The following KIDINS220 variants were observed in gnomAD, a reference collection of about 807,000 sequenced individuals.
The protein encoded by KIDINS220 is kinase D-interacting substrate of 220 kDa.
Under a neutral mutation model 157.6 loss-of-function variants are expected in KIDINS220, and 63 were observed. The ratio of observed to expected loss-of-function variants is 0.40; its 90% CI spans 0.33 to 0.49. KIDINS220 has a LOEUF of 0.49. Among genes scored for constraint, KIDINS220 ranks in the 20% least tolerant of loss-of-function variants. The pLI, the probability that KIDINS220 is intolerant of heterozygous loss-of-function variation, is 0.66. For synonymous variants in KIDINS220, 732 were observed against 783.6 expected, an observed-to-expected ratio of 0.93 and a Z score of 1.10; for missense variants, 1,772 against 2,171.2, an observed-to-expected ratio of 0.82 and a Z score of 3.65.
At chr2:8,771,535 G>C (rs896372914) in intron 21 of KIDINS220, among the ~76,000 whole-genome samples, 4 of 152,136 alleles carry the variant, frequency 2.6e-5, no homozygotes, top group African/African-American at 9.7e-5. Context: ...TGATTTGGTA[G>C]AAATTCTGAG....
intron 1 of KIDINS220, among the ~76,000 whole-genome samples, chr2:8,827,696 C>A (rs988824273): frequency 6.6e-6 from 1 of 151,956 alleles, no homozygotes. Flanking sequence ...GGTCTCACTG[C>A]AAATAAATAA....
intron 14 of KIDINS220, 130 bp downstream of exon 14, chr2:8,789,750 A>G: frequency 2.7e-6 from 2 of 754,468 alleles, no homozygotes; most frequent in Non-Finnish European, 4.2e-6. Flanking sequence ...TAGCAAAAAG[A>G]TCAATTTTCT....
chr2:8,728,503 CAT>C (rs1346036753), downstream of KIDINS220, among the ~76,000 whole-genome samples: 1 of 152,214 alleles, frequency 6.6e-6, no homozygotes, highest in Admixed American at 6.5e-5. Context: ...TACACACACA[CAT>C]AGACGCACAG....
intron 26 of KIDINS220, among the ~76,000 whole-genome samples, chr2:8,746,119 T>A (rs1558332040): frequency 6.6e-6 from 1 of 151,552 alleles, no homozygotes; most frequent in Non-Finnish European, 1.5e-5. Context: ...TTTTTTTTTT[T>A]GAGACCGAGT....
intron 17 of KIDINS220, among the ~76,000 whole-genome samples, chr2:8,781,121 G>A: frequency 7.8e-6 from 1 of 128,322 alleles, no homozygotes; most frequent in East Asian, 2.2e-4. Context: ...AAAAGAGAGG[G>A]GGAGTAACTA....
chr2:8,794,877 T>C (rs981101263), intron 11 of KIDINS220, among the ~76,000 whole-genome samples: 1 of 152,186 alleles, frequency 6.6e-6, no homozygotes, highest in Admixed American at 6.5e-5. Context: ...CTTTTCATCT[T>C]CTAGACTCTC....
At chr2:8,817,740 A>G in intron 3 of KIDINS220, 24 bp from the exon 4 acceptor site, 2 of 1,513,312 alleles carry the variant, frequency 1.3e-6, no homozygotes, top group Non-Finnish European at 1.8e-6. Flanking sequence ...TTTAAAAGTT[A>G]TCATTTTCAA....
Position 8,793,871 on chromosome 2 carries a change from C to G in KIDINS220, c.1215G>C (p.Glu405Asp), listed in dbSNP as rs773432483. The change falls in exon 12 of 30, where the codon GAG becomes GAC. Residue 405 changes from glutamate (E) to aspartate (D), a missense_variant. Coordinates refer to ENST00000256707, the MANE Select transcript of KIDINS220 (RefSeq NM_020738.4). ...RLLYRPNKAG[E>D]TPYNIDCSHQ... ...GGCTACAGTCAATATTATAAGGAGT[C>G]TCGCCTGCTTTGTTGGGCCTATAAA... is the stretch of plus-strand genomic sequence containing the variant. The G allele has an allele frequency of 1.1e-5, 18 of 1,613,550 alleles. No individual in the cohort carries two copies. Among genetic ancestry groups the G allele is most frequent in the Non-Finnish European group, 1.1e-5 (13 of 1,179,884 alleles).
chr2:8,832,419 C>T (rs574299176), intron 1 of KIDINS220, among the ~76,000 whole-genome samples: 15 of 152,274 alleles, frequency 9.9e-5, no homozygotes, highest in Non-Finnish European at 1.9e-4. Context: ...TTGATACACA[C>T]AATAGTAAAA....
intron 22 of KIDINS220, among the ~76,000 whole-genome samples, chr2:8,758,433 T>C (rs997201618): frequency 2.6e-5 from 4 of 152,212 alleles, no homozygotes; most frequent in Admixed American, 2.0e-4. Context: ...TCTGCTCACC[T>C]TGGCCTTTGG....
chr2:8,782,382 T>C (rs1671835798), intron 17 of KIDINS220, among the ~76,000 whole-genome samples: 1 of 152,212 alleles, frequency 6.6e-6, no homozygotes, highest in South Asian at 2.1e-4. Context: ...ACCTACCTCA[T>C]GGACAAAAAT....
rs964391020 is a variant in KIDINS220, at chr2:8,730,008, G to A, written c.*712C>T. 1 of 985,234 alleles carries A rather than the reference G, an allele frequency of 1.0e-6. No homozygotes were observed. The highest frequency in any genetic ancestry group is 1.2e-6 in the Non-Finnish European group (1 of 829,944). 61.0% of individuals were successfully genotyped at this position (985,234 alleles called of 1,614,324 possible). A position where few individuals can be genotyped will look rare whatever the true frequency, so the allele number is the denominator to read the frequency against. On this transcript the variant is annotated 3_prime_UTR_variant, in exon 30 of 30. Coordinates refer to ENST00000256707, the MANE Select transcript of KIDINS220 (RefSeq NM_020738.4). The stretch of plus-strand genomic sequence containing the variant: ...TGGATGGTGCTGGAAGCCAGGCCTG[G>A]GATTTGGAGAGAAGAGTTTCCGACA...
intron 10 of KIDINS220, among the ~76,000 whole-genome samples, 176 bp from the exon 11 acceptor site, chr2:8,797,045 T>C (rs941428493): frequency 2.6e-5 from 4 of 152,198 alleles, no homozygotes; most frequent in Admixed American, 2.0e-4. Flanking sequence ...CCCACTCATT[T>C]GTATCAAAGT....
intron 17 of KIDINS220, among the ~76,000 whole-genome samples, chr2:8,782,702 C>G (rs915279437): frequency 2.0e-5 from 3 of 152,186 alleles, no homozygotes; most frequent in Non-Finnish European, 2.9e-5. Flanking sequence ...ATACCCAAAG[C>G]AGACGAAGTC....
At chr2:8,822,321 C>T (rs2148415557) in intron 2 of KIDINS220, among the ~76,000 whole-genome samples, 1 of 152,182 alleles carries the variant, frequency 6.6e-6, no homozygotes, top group Non-Finnish European at 1.5e-5. Context: ...TTTGAAATTT[C>T]CTTTAAAGTC....
chr2:8,792,792 C>G (rs954558637), intron 12 of KIDINS220, among the ~76,000 whole-genome samples: 8 of 152,026 alleles, frequency 5.3e-5, no homozygotes, highest in African/African-American at 1.9e-4. Flanking sequence ...CCTAATTGTA[C>G]CCCCTGAATC....
intron 2 of KIDINS220, among the ~76,000 whole-genome samples, chr2:8,824,157 G>T (rs1042353906): frequency 6.6e-6 from 1 of 152,040 alleles, no homozygotes; most frequent in Non-Finnish European, 1.5e-5. Context: ...AGTTAAATGA[G>T]CTAAGATATA....
At chr2:8,821,590 C>T (rs1677968129) in intron 2 of KIDINS220, among the ~76,000 whole-genome samples, 2 of 152,326 alleles carry the variant, frequency 1.3e-5, no homozygotes, top group African/African-American at 4.8e-5. Context: ...ATCTATCAGC[C>T]TTGAAATGGC....
At chr2:8,777,895 A>C (rs1260279767) in intron 20 of KIDINS220, among the ~76,000 whole-genome samples, 1 of 152,240 alleles carries the variant, frequency 6.6e-6, no homozygotes, top group Non-Finnish European at 1.5e-5. Context: ...TTAACTTTGC[A>C]TCCATATCTG....
Sources: gnomAD v4.1 joint callset for allele counts (sites outside exome capture counted in the v4.1 genomes callset) on GRCh38, gnomAD v4.1.1 for gene constraint, MANE v1.5 for transcripts, NCBI Gene and HGNC (gene_info 2026-07-23, HGNC 2026-07-21) for gene names.